KMT2C: variants seen among roughly 807,000 people sequenced by gnomAD.
KMT2C encodes lysine methyltransferase 2C.
KMT2C carries 88 observed loss-of-function variants against 507.9 expected under a neutral mutation model. The ratio of observed to expected loss-of-function variants is 0.17; its 90% CI spans 0.15 to 0.21. The LOEUF (loss-of-function observed/expected upper bound fraction) is 0.21. Among genes scored for constraint, KMT2C ranks in the 10% least tolerant of loss-of-function variants. The pLI, the probability that KMT2C is intolerant of heterozygous loss-of-function variation, is 1.00. For synonymous variants in KMT2C, 2,049 were observed against 2,080.8 expected (o/e 0.98, Z 0.42); for missense variants, 4,954 against 5,957.8 (o/e 0.83, Z 5.55).
chr7:152,277,540 C>T (rs2129179779), intron 6 of KMT2C, among the ~76,000 whole-genome samples: 1 of 152,314 alleles, frequency 6.6e-6, no homozygotes, highest in African/African-American at 2.4e-5. Flanking sequence ...GTCATTATCA[C>T]TGTTCCACTT....
At chr7:152,425,720 A>C (rs1187552213) in intron 1 of KMT2C, among the ~76,000 whole-genome samples, 1 of 152,154 alleles carries the variant, frequency 6.6e-6, no homozygotes, top group Non-Finnish European at 1.5e-5. Flanking sequence ...GGTCCATATG[A>C]CTAGAATCCC....
chr7:152,395,155 T>C (rs915010274), intron 1 of KMT2C, among the ~76,000 whole-genome samples: 3 of 152,150 alleles, frequency 2.0e-5, no homozygotes, highest in African/African-American at 7.2e-5. Flanking sequence ...ATATGACTCA[T>C]TACAACAATA....
At chr7:152,155,862 T>A (rs774253420) in intron 46 of KMT2C, 48 bp downstream of exon 46, 95 of 1,534,904 alleles carry the variant, frequency 6.2e-5, no homozygotes, top group African/African-American at 5.1e-4. Context: ...TTATTTTTTT[T>A]AAAAGAAGAA....
intron 31 of KMT2C, among the ~76,000 whole-genome samples, chr7:152,190,591 C>CTT (rs1006355348): frequency 4.7e-5 from 7 of 149,142 alleles, no homozygotes; most frequent in African/African-American, 1.5e-4. Flanking sequence ...AAGAAGTGGT[C>CTT]TTTTTTTTTT....
chr7:152,208,881 A>C (rs573282891), intron 23 of KMT2C, among the ~76,000 whole-genome samples: 2 of 152,328 alleles, frequency 1.3e-5, no homozygotes, highest in East Asian at 3.9e-4. Context: ...AGAAAAGTTT[A>C]TAGGCCAGGC....
intron 9 of KMT2C, among the ~76,000 whole-genome samples, chr7:152,261,778 G>C (rs1315564551): frequency 6.6e-6 from 1 of 152,172 alleles, no homozygotes; most frequent in Non-Finnish European, 1.5e-5. Flanking sequence ...TAGAGGAACT[G>C]AGTGAAGATA....
At chr7:152,310,629 G>A (rs1321985423) in intron 5 of KMT2C, among the ~76,000 whole-genome samples, 1 of 152,024 alleles carries the variant, frequency 6.6e-6, no homozygotes, top group Non-Finnish European at 1.5e-5. Flanking sequence ...TCAAAAACTC[G>A]TGCAGTGGGG....
intron 1 of KMT2C, among the ~76,000 whole-genome samples, chr7:152,380,346 T>A (rs1454972180): frequency 2.0e-5 from 3 of 152,068 alleles, no homozygotes; most frequent in Non-Finnish European, 4.4e-5. Flanking sequence ...GGCAGGCAGA[T>A]CACCTGAGGT....
At position 152,145,062 on chromosome 7, in the gene KMT2C, G is replaced by A. The variant is rs548130824; in HGVS notation, c.14174+91C>T. ...TGGGCACATACACAGCCAGACAGCA[G>A]GGTTTGTAAGCAGCAGACAAATCAA... is the stretch of plus-strand genomic sequence containing the variant. On this transcript the variant is annotated intron_variant, in intron 54 of 58. Coordinates refer to ENST00000262189, the MANE Select transcript of KMT2C (RefSeq NM_170606.3). 103 of 1,494,258 alleles carry A rather than the reference G, an allele frequency of 6.9e-5. 1 individual carries two copies. The South Asian group carries it at 1.2e-3, about 17-fold the overall frequency. The allele number at this position is 1,494,258 out of a possible 1,614,324, so 92.6% of individuals were successfully genotyped here. A position where few individuals can be genotyped will look rare whatever the true frequency, so the allele number is the denominator to read the frequency against.
chr7:152,412,898 C>T (rs2097697667), intron 1 of KMT2C, among the ~76,000 whole-genome samples: 1 of 152,120 alleles, frequency 6.6e-6, no homozygotes, highest in Non-Finnish European at 1.5e-5. Flanking sequence ...TCATCTCCTA[C>T]TCAATACTTT....
chr7:152,339,705 C>T (rs1397101797), intron 2 of KMT2C, among the ~76,000 whole-genome samples: 3 of 152,046 alleles, frequency 2.0e-5, no homozygotes, highest in African/African-American at 7.2e-5. Context: ...GAGACCACAG[C>T]CCCAATTTGA....
chr7:152,247,311 G>T (rs1454985170), intron 14 of KMT2C, among the ~76,000 whole-genome samples: 5 of 152,060 alleles, frequency 3.3e-5, no homozygotes, highest in African/African-American at 1.2e-4. Flanking sequence ...GACAAAGGAA[G>T]ATTTATCTTT....
intron 6 of KMT2C, among the ~76,000 whole-genome samples, chr7:152,290,276 ATATATATATATATATATATTTTTTTTTTT>A (rs2096396591): frequency 5.5e-4 from 15 of 27,246 alleles, no homozygotes; most frequent in African/African-American, 2.7e-3. Context: ...ATATATATAT[ATATATATATATATATATATTTTTTTTTTT>A]TTTTTTTTTT....
At chr7:152,353,798 G>A (rs528000707) in intron 2 of KMT2C, among the ~76,000 whole-genome samples, 4 of 152,116 alleles carry the variant, frequency 2.6e-5, no homozygotes, top group Non-Finnish European at 4.4e-5. Context: ...CACGCCCAGC[G>A]TAATACCCTT....
At chr7:152,193,967 A>C (rs775526163) in intron 31 of KMT2C, 42 bp downstream of exon 31, 1 of 1,488,986 alleles carries the variant, frequency 6.7e-7, no homozygotes, top group Non-Finnish European at 8.9e-7. Flanking sequence ...ATATATACAC[A>C]TGTGTGTGAA....
chr7:152,144,975 C>G lies in KMT2C; in HGVS notation c.14175-94G>C. ...AAAACCAGGTTAATTCAGATTCTTA[C>G]TGACAGAAACATACATGGAAAGCTG... On this transcript the variant is annotated intron_variant, in intron 54 of 58. Transcript: ENST00000262189. This position sits in a 1 kb window ranked among gnomAD's most constrained non-coding sequence, Gnocchi z 4.4. 2 of 1,415,320 alleles carry G rather than the reference C, an allele frequency of 1.4e-6. No homozygotes were observed. Among genetic ancestry groups the G allele is most frequent in the Non-Finnish European group, 1.9e-6 (2 of 1,048,238 alleles). 87.7% of individuals were successfully genotyped at this position (1,415,320 alleles called of 1,614,324 possible). A position where few individuals can be genotyped will look rare whatever the true frequency, so the allele number is the denominator to read the frequency against.
In KMT2C at chr7:152,154,154, A is replaced by G; in HGVS notation, c.12140-8T>C. On this transcript the variant is annotated splice_region_variant and splice_polypyrimidine_tract_variant and intron_variant, in intron 47 of 58. Transcript: ENST00000262189. ...TCCTTCTTGATTCTGAACCTTTAAAAAGAGAGAAAAAAAAGAGGAAAATAG... is the reference window on the plus strand; with the variant it reads ...TCCTTCTTGATTCTGAACCTTTAAAGAGAGAGAAAAAAAAGAGGAAAATAG... 3.1e-6 allele frequency: 5 copies of G among 1,612,768 alleles called. No individual in the cohort carries two copies. In the South Asian group the frequency reaches 3.3e-5, roughly 11 times the overall value.
chr7:152,182,173 T>C lies in KMT2C; in HGVS notation c.5687A>G (p.Asp1896Gly). The C allele has an allele frequency of 1.2e-6, 2 of 1,614,150 alleles. No homozygotes were observed. Among genetic ancestry groups the C allele is most frequent in the Non-Finnish European group, 1.7e-6 (2 of 1,180,020 alleles). The stretch of plus-strand genomic sequence containing the variant: ...GGTACCAACCATTTTTGCATATGGA[T>C]CCATTGGAGATGGTGGTCGTGAGTT... ...SSNSRPPSPMDPYAKMVGTPR... is the reference protein window; with the variant it reads ...SSNSRPPSPMGPYAKMVGTPR... Residue 1896 changes from aspartate to glycine, a missense_variant, in exon 36 of 59, where the codon GAT becomes GGT. By Grantham distance (94) the Asp-to-Gly change is moderately conservative. Transcript: ENST00000262189.
intron 34 of KMT2C, among the ~76,000 whole-genome samples, chr7:152,184,115 A>T (rs1234741811): frequency 6.7e-6 from 1 of 148,502 alleles, no homozygotes; most frequent in Non-Finnish European, 1.5e-5. Context: ...AAAAATATCC[A>T]ATCAGTCTTA....
Sources: gnomAD v4.1 joint callset for allele counts (sites outside exome capture counted in the v4.1 genomes callset) on GRCh38, gnomAD v4.1.1 for gene constraint, Gnocchi (gnomAD v3.1) non-coding constraint, MANE v1.5 for transcripts, NCBI Gene and HGNC (gene_info 2026-07-23, HGNC 2026-07-21) for gene names.